Variants in ABR observed in about 807,000 individuals in gnomAD.
ABR encodes active breakpoint cluster region-related protein.
Under a neutral mutation model 107.2 loss-of-function variants are expected in ABR, and 35 were observed. The observed-to-expected ratio is 0.33, with a 90% confidence interval of 0.25 to 0.43. ABR has a LOEUF of 0.43. Ranked by LOEUF, ABR falls within the 20% of genes least tolerant of loss-of-function variation. The pLI is 1.00. For synonymous variants in ABR, 498 were observed against 462.0 expected, an observed-to-expected ratio of 1.08 and a Z score of -1.00; for missense variants, 815 against 1,115.2, an observed-to-expected ratio of 0.73 and a Z score of 3.83.
At chr17:1,013,327 C>A in intron 16 of ABR, 163 bp from the exon 17 acceptor site, 1 of 734,034 alleles carries the variant, frequency 1.4e-6, no homozygotes, top group Non-Finnish European at 2.2e-6. Context: ...TTTGGGGGGA[C>A]CCTAGCCCCC....
chr17:1,096,261 G>C (rs1482895982), intron 3 of ABR, among the ~76,000 whole-genome samples: 3 of 152,150 alleles, frequency 2.0e-5, no homozygotes, highest in Non-Finnish European at 4.4e-5. Context: ...TGTGCACATG[G>C]TTTTAGGTAC....
chr17:1,130,827 C>T (rs574623014), intron 1 of ABR, among the ~76,000 whole-genome samples: 2 of 152,256 alleles, frequency 1.3e-5, no homozygotes, highest in South Asian at 4.1e-4. Context: ...GGGCTGCCAC[C>T]AACCAAGGAA....
chr17:1,025,466 C>G (rs908265957), intron 16 of ABR, among the ~76,000 whole-genome samples: 1 of 152,120 alleles, frequency 6.6e-6, no homozygotes, highest in African/African-American at 2.4e-5. Context: ...GAACACCCCG[C>G]GGCTTCCCAC....
At chr17:1,036,715 G>T (rs1174879304) in intron 16 of ABR, among the ~76,000 whole-genome samples, 1 of 152,112 alleles carries the variant, frequency 6.6e-6, no homozygotes, top group Non-Finnish European at 1.5e-5. Context: ...GTGGGGACGG[G>T]AGTGTCCCCC....
At chr17:1,083,844 G>A (rs2036422761) in intron 4 of ABR, 1 of 539,300 alleles carries the variant, frequency 1.9e-6, no homozygotes. Flanking sequence ...TAAGGTTAAT[G>A]AGGGGGTCTG....
intron 16 of ABR, among the ~76,000 whole-genome samples, chr17:1,021,728 C>T (rs948766745): frequency 4.0e-5 from 6 of 151,750 alleles, no homozygotes; most frequent in East Asian, 1.9e-4. Context: ...CGCTTGAACC[C>T]GGGAGGCGGA....
At position 1,154,952 on chromosome 17, in the gene ABR, C is replaced by T. The variant is rs1006777107; in HGVS notation, c.61+24715G>A. On this transcript the variant is annotated intron_variant, in intron 1 of 22. Coordinates refer to ENST00000302538, the MANE Select transcript of ABR (RefSeq NM_021962.5). The surrounding 1 kb of genome is among the most constrained non-coding windows in gnomAD (Gnocchi z 4.0). ...GCACAAACAGGGCCTGCTCTGGGAC[C>T]GTGCCTCCTGCCAGGACGCTGTGCC... is the stretch of plus-strand genomic sequence containing the variant. The T allele has an allele frequency of 6.6e-5, 10 of 152,146 alleles. No individual in the cohort carries two copies. In the East Asian group the frequency reaches 1.2e-3, roughly 18 times the overall value. 9.4% of individuals were successfully genotyped at this position (152,146 alleles called of 1,614,324 possible). A position where few individuals can be genotyped will look rare whatever the true frequency, so the allele number is the denominator to read the frequency against.
chr17:1,163,194 C>T (rs953705724), intron 1 of ABR, among the ~76,000 whole-genome samples: 2 of 152,214 alleles, frequency 1.3e-5, no homozygotes, highest in Non-Finnish European at 2.9e-5. Context: ...GGAGTTAATA[C>T]AGACAAAGTG....
intron 2 of ABR, among the ~76,000 whole-genome samples, chr17:1,105,298 C>T (rs527454574): frequency 1.3e-5 from 2 of 152,052 alleles, no homozygotes; most frequent in South Asian, 2.1e-4. Context: ...TGAGCCACTG[C>T]GCCCAAGAAC....
At chr17:1,191,261 C>T (rs935682085), upstream of ABR, among the ~76,000 whole-genome samples, 6 of 152,138 alleles carry the variant, frequency 3.9e-5, no homozygotes, top group African/African-American at 1.2e-4. Flanking sequence ...GCCAGCTTCC[C>T]GCCAGCCTCC....
rs949666877 is a variant in ABR at position 1,075,671 on chromosome 17, G to C, written c.701-1994C>G. On this transcript the variant is annotated intron_variant, in intron 6 of 22. Transcript: ENST00000302538. ...AGCATTTCTATAAAGCTTCTTTACT[G>C]ATTTGAATGTATAATAATGGTTGAA... is the stretch of plus-strand genomic sequence containing the variant. Among the ~76,000 whole-genome samples, 3 of 152,194 alleles carry C rather than the reference G, an allele frequency of 2.0e-5. No individual in the cohort carries two copies. The East Asian group carries it at 5.8e-4, about 29-fold the overall frequency.
intron 1 of ABR, among the ~76,000 whole-genome samples, chr17:1,165,341 G>A (rs897602182): frequency 2.0e-5 from 3 of 152,206 alleles, no homozygotes; most frequent in African/African-American, 2.4e-5. Flanking sequence ...GACCTCCTGC[G>A]GGTGGATGGC....
At chr17:1,020,682 CAA>C (rs2071554966) in intron 16 of ABR, among the ~76,000 whole-genome samples, 1 of 152,204 alleles carries the variant, frequency 6.6e-6, no homozygotes, top group Non-Finnish European at 1.5e-5. Context: ...CAGGAATCAG[CAA>C]AGTGGCCCCG....
At chr17:1,033,712 C>A (rs2072972809) in intron 16 of ABR, among the ~76,000 whole-genome samples, 2 of 152,332 alleles carry the variant, frequency 1.3e-5, no homozygotes, top group Admixed American at 1.3e-4. Flanking sequence ...TTCCTCAAAC[C>A]TGAGCTGCTA....
intron 16 of ABR, among the ~76,000 whole-genome samples, chr17:1,014,665 C>T (rs1216341051): frequency 1.3e-5 from 2 of 150,728 alleles, no homozygotes; most frequent in African/African-American, 4.9e-5. Context: ...GGTGAAACCC[C>T]GTCTCTACTA....
At chr17:1,151,005 T>C (rs1451237473) in intron 1 of ABR, among the ~76,000 whole-genome samples, 1 of 152,164 alleles carries the variant, frequency 6.6e-6, no homozygotes, top group Non-Finnish European at 1.5e-5. Context: ...GAACATTTGA[T>C]TCAGAGCTCA....
At chr17:1,085,595 G>A (rs2036544440) in intron 4 of ABR, among the ~76,000 whole-genome samples, 1 of 152,118 alleles carries the variant, frequency 6.6e-6, no homozygotes, top group African/African-American at 2.4e-5. Flanking sequence ...ACAAACTGCA[G>A]AGCCGTATCG....
rs1231302648 is a variant in ABR at position 1,010,044 on chromosome 17, C to T, written c.2237-260G>A. 7.0e-6 allele frequency: 4 copies of T among 572,016 alleles called. No homozygotes were observed. The highest frequency in any genetic ancestry group is 6.3e-6 in the Non-Finnish European group (2 of 319,468). The allele number at this position is 572,016 out of a possible 1,614,324, so 35.4% of individuals were successfully genotyped here. A position where few individuals can be genotyped will look rare whatever the true frequency, so the allele number is the denominator to read the frequency against. The stretch of plus-strand genomic sequence containing the variant: ...CCTTCCTGCAGCTGACTGCATAGGC[C>T]TTGGGTGCTGGGGCATCCCCTGTCT... On this transcript the variant is annotated intron_variant, in intron 20 of 22. Transcript: ENST00000302538. This position sits in a 1 kb window ranked among gnomAD's most constrained non-coding sequence, Gnocchi z 4.1.
In ABR at chr17:1,211,097, G is replaced by T. The variant is rs2042893286; in HGVS notation, c.838+17696C>A. Among the ~76,000 whole-genome samples, 3 of 152,062 alleles carry T rather than the reference G, an allele frequency of 2.0e-5. No individual in the cohort carries two copies. The South Asian group carries it at 6.2e-4, about 32-fold the overall frequency. ...GTTTGAGACCAGCCTGTCCAATATG[G>T]TGAAACCCCGTCTCTACTAAAAAAT... On this transcript the variant is annotated intron_variant, in intron 1 of 22. Coordinates refer to the ABR transcript ENST00000574139.
Sources: gnomAD v4.1 joint callset for allele counts (sites outside exome capture counted in the v4.1 genomes callset) on GRCh38, gnomAD v4.1.1 for gene constraint, Gnocchi (gnomAD v3.1) non-coding constraint, MANE v1.5 for transcripts, NCBI Gene and HGNC (gene_info 2026-07-23, HGNC 2026-07-21) for gene names.